The following NRDC variants were observed in gnomAD, a reference collection of about 807,000 sequenced individuals.
NRDC encodes nardilysin.
In NRDC, 54 loss-of-function variants were observed where a neutral mutation model predicts 147.1. That is an observed-to-expected ratio of 0.37 (90% CI 0.29 to 0.46). NRDC has a LOEUF of 0.46. NRDC is among the 20% of genes least tolerant of loss of function. The pLI, the probability that NRDC is intolerant of heterozygous loss-of-function variation, is 1.00. For missense variants in NRDC, 1,082 were observed against 1,370.6 expected (o/e 0.79, Z 3.33); for synonymous variants, 440 against 482.1 (o/e 0.91, Z 1.14).
intron 1 of NRDC, among the ~76,000 whole-genome samples, chr1:51,859,605 A>C (rs1449099427): frequency 6.6e-6 from 1 of 152,176 alleles, no homozygotes; most frequent in Non-Finnish European, 1.5e-5. Context: ...GCTGTGCGTA[A>C]ATTCAGGACT....
At chr1:51,818,971 G>T (rs959796333) in intron 9 of NRDC, among the ~76,000 whole-genome samples, 1 of 152,058 alleles carries the variant, frequency 6.6e-6, no homozygotes, top group Non-Finnish European at 1.5e-5. Flanking sequence ...TTATAATCTC[G>T]ACTTTGTTAA....
chr1:51,826,417 TAGAGACCA>T (rs1680448636), intron 5 of NRDC, among the ~76,000 whole-genome samples: 1 of 152,072 alleles, frequency 6.6e-6, no homozygotes, highest in Admixed American at 6.6e-5. Flanking sequence ...TCTGAACACT[TAGAGACCA>T]TATTTGGAAA....
chr1:51,852,597 T>C (rs1299697651), intron 1 of NRDC, among the ~76,000 whole-genome samples: 1 of 3,774 alleles, frequency 2.6e-4, no homozygotes, highest in Non-Finnish European at 9.0e-4. Context: ...GTTTTATATA[T>C]AGTTTTTTAT....
At chr1:51,805,433 G>A (rs907964411) in intron 19 of NRDC, 77 bp downstream of exon 19, 8 of 1,118,550 alleles carry the variant, frequency 7.2e-6, no homozygotes, top group Admixed American at 2.5e-5. Flanking sequence ...GAAAATGACA[G>A]AATGATTTAG....
chr1:51,872,645 AGT>A lies in NRDC; in HGVS notation c.341+5628_341+5629del, dbSNP rs1683137564. The stretch of plus-strand genomic sequence containing the variant: ...CTTGAACCTGGGAGGTGGAGGCTGC[AGT>A]GAGTTGAGATCACACCACTGCACTC... On this transcript the variant is annotated intron_variant, in intron 1 of 30. Transcript: ENST00000352171. Among the ~76,000 whole-genome samples the A allele has an allele frequency of 2.0e-5, 3 of 152,308 alleles. No homozygotes were observed. The South Asian group carries it at 6.2e-4, about 32-fold the overall frequency.
chr1:51,858,251 A>G (rs1354156135), intron 1 of NRDC, among the ~76,000 whole-genome samples: 1 of 152,196 alleles, frequency 6.6e-6, no homozygotes, highest in African/African-American at 2.4e-5. Context: ...AGATCAAAGC[A>G]GGAAGATCGC....
At chr1:51,873,477 ATTTTTATT>A (rs1420352731) in intron 1 of NRDC, among the ~76,000 whole-genome samples, 20 of 125,870 alleles carry the variant, frequency 1.6e-4, no homozygotes, top group Non-Finnish European at 2.6e-4. Context: ...AATATATGGA[ATTTTTATT>A]TATTTATTTA....
intron 1 of NRDC, among the ~76,000 whole-genome samples, chr1:51,846,649 G>A (rs554258381): frequency 1.3e-5 from 2 of 152,330 alleles, no homozygotes; most frequent in East Asian, 3.9e-4. Context: ...CCTTCAGGGT[G>A]AGTGTTATAG....
At chr1:51,849,068 T>C (rs1571902609) in intron 1 of NRDC, among the ~76,000 whole-genome samples, 1 of 152,090 alleles carries the variant, frequency 6.6e-6, no homozygotes, top group African/African-American at 2.4e-5. Context: ...AATTAATCTA[T>C]AAATTCAAGG....
intron 26 of NRDC, 109 bp from the exon 27 acceptor site, chr1:51,791,770 G>A (rs1678670108): frequency 1.1e-6 from 1 of 914,086 alleles, no homozygotes; most frequent in South Asian, 1.5e-5. Flanking sequence ...TATTGGAACT[G>A]GAAGTCCTGA....
rs780727629 is a variant in NRDC, at chr1:51,798,439, C to CA, written c.2442-29dup. The CA allele has an allele frequency of 3.2e-6, 5 of 1,547,906 alleles. 1 individual carries two copies. In the South Asian group the frequency reaches 4.8e-5, roughly 15 times the overall value. ...GTACAGAGGGCAGAAAAAAAACACT[C>CA]AAAGTTTTGTTATTAGAAATGAATC... On this transcript the variant is annotated intron_variant, in intron 21 of 30. Coordinates refer to ENST00000352171, the MANE Select transcript of NRDC (RefSeq NM_001101662.2).
chr1:51,812,761 C>T (rs1679786113), intron 14 of NRDC, among the ~76,000 whole-genome samples: 1 of 152,088 alleles, frequency 6.6e-6, no homozygotes, highest in South Asian at 2.1e-4. Flanking sequence ...GCACTATCGT[C>T]TAAACACTAT....
chr1:51,824,392 G>C (rs1054286465), intron 6 of NRDC, among the ~76,000 whole-genome samples: 1 of 152,018 alleles, frequency 6.6e-6, no homozygotes, highest in African/African-American at 2.4e-5. Context: ...CCAAAGTGCT[G>C]GGATTACAGG....
chr1:51,814,072 C>A lies in NRDC; in HGVS notation c.1637G>T (p.Arg546Leu). ...ATGAAATTCATTATCCTCAATTTTC[C>A]GAATCTCTTCAAAAATTCTGTGAAG... is the stretch of plus-strand genomic sequence containing the variant. ...GPEKRIFEEI[R>L]KIEDNEFHYQ... is the part of the protein sequence containing the mutation. Residue 546 changes from arginine to leucine, a missense_variant, in exon 14 of 31, where the codon CGG becomes CTG. Physicochemically the swap from Arg to Leu is moderately radical, Grantham distance 102. Around this residue, in one of 3 missense-constraint regions of NRDC, gnomAD observed 635 missense variants for 923.8 expected, o/e 0.69. Transcript: ENST00000352171. 1 of 1,601,574 alleles carries A rather than the reference C, an allele frequency of 6.2e-7. No homozygotes were observed. The highest frequency in any genetic ancestry group is 8.6e-7 in the Non-Finnish European group (1 of 1,169,486).
chr1:51,878,387 G>C lies in NRDC; in HGVS notation c.229C>G (p.Arg77Gly). The change falls in exon 1 of 31, where the codon CGG becomes GGG. Residue 77 changes from arginine to glycine, a missense_variant. Arg to Gly is a moderately radical substitution (Grantham distance 125). Transcript: ENST00000352171. Reference sequence around the variant, plus strand: ...TCATCCGCTCCTAGACGGGCAACCCGGCTGTTCTCGCCCAGATCCTGTCCA... The same window carrying C: ...TCATCCGCTCCTAGACGGGCAACCCCGCTGTTCTCGCCCAGATCCTGTCCA... ...PNGQDLGENS[R>G]VARLGADESE... is the part of the protein sequence containing the mutation. 4 of 1,614,108 alleles carry C rather than the reference G, an allele frequency of 2.5e-6. No individual in the cohort carries two copies. Among genetic ancestry groups the C allele is most frequent in the Non-Finnish European group, 3.4e-6 (4 of 1,180,024 alleles).
intron 9 of NRDC, among the ~76,000 whole-genome samples, chr1:51,818,739 A>G (rs1680081406): frequency 6.6e-6 from 1 of 152,176 alleles, no homozygotes; most frequent in African/African-American, 2.4e-5. Flanking sequence ...GAGACTGGTA[A>G]CGGGGTGAAG....
intron 1 of NRDC, among the ~76,000 whole-genome samples, chr1:51,846,637 G>A (rs1215909764): frequency 2.6e-5 from 4 of 152,216 alleles, no homozygotes; most frequent in African/African-American, 9.6e-5. Flanking sequence ...TGAAGCTGCA[G>A]ACCTTCAGGG....
intron 1 of NRDC, among the ~76,000 whole-genome samples, chr1:51,861,265 CTT>C (rs71063057): frequency 4.6e-5 from 5 of 108,070 alleles, no homozygotes; most frequent in South Asian, 3.2e-4. Flanking sequence ...AGTGGTATTA[CTT>C]TTTTTTTTTT....
chr1:51,823,379 G>T (rs1412585155), intron 7 of NRDC, among the ~76,000 whole-genome samples: 1 of 152,100 alleles, frequency 6.6e-6, no homozygotes, highest in Non-Finnish European at 1.5e-5. Flanking sequence ...ATCAATTCAT[G>T]ACCTATTAGA....
Sources: allele counts gnomAD v4.1 joint callset (sites outside exome capture counted in the v4.1 genomes callset), GRCh38; gene constraint gnomAD v4.1.1; regional missense constraint gnomAD v4.1.1; transcripts MANE v1.5; gene names NCBI Gene and HGNC (gene_info 2026-07-23, HGNC 2026-07-21).